KCNMB2: variants seen among roughly 807,000 people sequenced by gnomAD.
The protein encoded by KCNMB2 is potassium calcium-activated channel subfamily M regulatory beta subunit 2.
In KCNMB2, 9 loss-of-function variants were observed where a neutral mutation model predicts 24.5. The ratio of observed to expected loss-of-function variants is 0.37; its 90% CI spans 0.22 to 0.64. The LOEUF (loss-of-function observed/expected upper bound fraction) is 0.64, where lower values mean the gene tolerates loss of function less well. Among genes scored for constraint, KCNMB2 ranks in the 30% least tolerant of loss-of-function variants. KCNMB2 has a pLI of 0.63. For missense variants in KCNMB2, 226 were observed against 284.3 expected (o/e 0.79, Z 1.47); for synonymous variants, 109 against 104.4 (o/e 1.04, Z -0.27).
At chr3:178,706,551 A>G (rs985447666) in intron 1 of KCNMB2, among the ~76,000 whole-genome samples, 1 of 151,878 alleles carries the variant, frequency 6.6e-6, no homozygotes, top group Non-Finnish European at 1.5e-5. Flanking sequence ...CAAACTTTCA[A>G]CTCCCAATCC....
chr3:178,664,942 G>T (rs7372083), intron 1 of KCNMB2, among the ~76,000 whole-genome samples: 20,991 of 152,036 alleles, frequency 0.14, 1,767 homozygotes, highest in Admixed American at 0.22. Flanking sequence ...AAAACATTTT[G>T]CCCTGAGCAA....
intron 1 of KCNMB2, among the ~76,000 whole-genome samples, chr3:178,636,828 A>G (rs1328906992): frequency 1.3e-5 from 1 of 77,418 alleles, no homozygotes; most frequent in African/African-American, 8.2e-5. Flanking sequence ...GGTTTGCTGC[A>G]CAGATCATTC....
At chr3:178,768,020 CT>C (rs11291814) in intron 1 of KCNMB2, among the ~76,000 whole-genome samples, 46,556 of 147,862 alleles carry the variant, frequency 0.31, 7,850 homozygotes, top group African/African-American at 0.46. Context: ...CTTGCCCAGT[CT>C]TTTTTTTTTT....
chr3:178,810,737 C>T (rs1023500638), intron 2 of KCNMB2, among the ~76,000 whole-genome samples: 1 of 151,744 alleles, frequency 6.6e-6, no homozygotes, highest in African/African-American at 2.4e-5. Flanking sequence ...TCCCTAAATT[C>T]CTTTTCATTT....
At chr3:178,614,729 G>A (rs573976639) in intron 1 of KCNMB2, among the ~76,000 whole-genome samples, 113 of 152,260 alleles carry the variant, frequency 7.4e-4, no homozygotes, top group Non-Finnish European at 1.4e-3. Flanking sequence ...TTTGAATTCT[G>A]TGTCTGAGAG....
intron 1 of KCNMB2, among the ~76,000 whole-genome samples, chr3:178,565,929 G>A (rs1032180165): frequency 2.0e-5 from 3 of 152,080 alleles, no homozygotes; most frequent in East Asian, 1.9e-4. Context: ...AGTAAAACAC[G>A]AATATAAAAA....
At chr3:178,560,247 G>T (rs990387335) in intron 1 of KCNMB2, among the ~76,000 whole-genome samples, 5 of 152,000 alleles carry the variant, frequency 3.3e-5, no homozygotes, top group African/African-American at 1.2e-4. Context: ...CCTCTGAGGG[G>T]CTAATTTATT....
chr3:178,590,393 C>G (rs946083098), intron 1 of KCNMB2, among the ~76,000 whole-genome samples: 1 of 152,100 alleles, frequency 6.6e-6, no homozygotes, highest in African/African-American at 2.4e-5. Context: ...AAAAGAGAGC[C>G]TTTCAACATT....
At chr3:178,754,813 C>A (rs1193551212) in intron 1 of KCNMB2, among the ~76,000 whole-genome samples, 2 of 152,196 alleles carry the variant, frequency 1.3e-5, no homozygotes, top group Non-Finnish European at 2.9e-5. Context: ...CCAGTTCCAT[C>A]TGGTTGGGAT....
intron 1 of KCNMB2, among the ~76,000 whole-genome samples, chr3:178,609,793 T>C (rs1465252302): frequency 6.6e-6 from 1 of 152,028 alleles, no homozygotes; most frequent in African/African-American, 2.4e-5. Context: ...TGCACCACCA[T>C]GCCCAGCTAA....
At chr3:178,738,951 C>T (rs1723405730) in intron 1 of KCNMB2, among the ~76,000 whole-genome samples, 1 of 152,010 alleles carries the variant, frequency 6.6e-6, no homozygotes, top group Non-Finnish European at 1.5e-5. Flanking sequence ...GTCTGTTTCC[C>T]AACATGTAGA....
intron 1 of KCNMB2, among the ~76,000 whole-genome samples, chr3:178,617,915 A>G (rs1718771911): frequency 6.6e-6 from 1 of 151,134 alleles, no homozygotes; most frequent in African/African-American, 2.4e-5. Flanking sequence ...AAAAAAACCC[A>G]ACACTCAAAA....
intron 1 of KCNMB2, among the ~76,000 whole-genome samples, chr3:178,603,617 C>A (rs1240259660): frequency 6.6e-6 from 1 of 152,048 alleles, no homozygotes; most frequent in Non-Finnish European, 1.5e-5. Context: ...CAGAGAGGAC[C>A]AACAAGAGAG....
chr3:178,777,444 A>G (rs1166323874), intron 1 of KCNMB2, among the ~76,000 whole-genome samples: 1 of 152,174 alleles, frequency 6.6e-6, no homozygotes, highest in Non-Finnish European at 1.5e-5. Context: ...AAAAACAAAA[A>G]AGTCAGAAAT....
rs1193919366 is a variant in KCNMB2 at position 178,728,023 on chromosome 3, G to A, written c.-67-79320G>A. Among the ~76,000 whole-genome samples, 5 of 152,304 alleles carry A rather than the reference G, an allele frequency of 3.3e-5. No homozygotes were observed. The East Asian group carries it at 9.6e-4, about 29-fold the overall frequency. On this transcript the variant is annotated intron_variant, in intron 1 of 4. Coordinates refer to ENST00000452583, the MANE Select transcript of KCNMB2 (RefSeq NM_181361.3). ...ATCTGTTCCTTGCAATAGACTGTGA[G>A]TGCCTTGGAAACAGGTATAGGCCTT...
intron 1 of KCNMB2, among the ~76,000 whole-genome samples, chr3:178,603,469 G>A (rs1718164787): frequency 1.1e-5 from 1 of 89,892 alleles, no homozygotes; most frequent in Non-Finnish European, 2.8e-5. Context: ...TGAGAAATGG[G>A]CAAAGGAAGG....
intron 1 of KCNMB2, among the ~76,000 whole-genome samples, chr3:178,738,968 T>C (rs1015200513): frequency 6.6e-6 from 1 of 152,076 alleles, no homozygotes; most frequent in African/African-American, 2.4e-5. Context: ...TAGAAAATAA[T>C]GCTGTGCAGG....
intron 1 of KCNMB2, chr3:178,795,313 T>A (rs972287224): frequency 6.6e-6 from 1 of 152,182 alleles, no homozygotes; most frequent in Non-Finnish European, 1.5e-5. Flanking sequence ...ATTATCACTT[T>A]TAAACTTTTT....
intron 1 of KCNMB2, among the ~76,000 whole-genome samples, chr3:178,702,192 A>T (rs1182642446): frequency 6.7e-6 from 1 of 150,138 alleles, no homozygotes. Flanking sequence ...ACAAAAAACC[A>T]AACACCGCAT....
Sources: gnomAD v4.1 joint callset for allele counts (sites outside exome capture counted in the v4.1 genomes callset) on GRCh38, gnomAD v4.1.1 for gene constraint, MANE v1.5 for transcripts, NCBI Gene and HGNC (gene_info 2026-07-23, HGNC 2026-07-21) for gene names.